AXDND1: variants seen among roughly 807,000 people sequenced by gnomAD.
The protein encoded by AXDND1 is axonemal dynein light chain domain-containing protein 1.
Under a neutral mutation model 137.5 loss-of-function variants are expected in AXDND1, and 110 were observed. The observed-to-expected ratio is 0.80, with a 90% CI of 0.69 to 0.94. The LOEUF is 0.94. Ranked by LOEUF, AXDND1 falls within the 40% of genes least tolerant of loss-of-function variation. AXDND1 has a pLI of 0.00. For missense variants in AXDND1, 1,191 were observed against 1,169.8 expected, an observed-to-expected ratio of 1.02 and a Z score of -0.26; for synonymous variants, 414 against 399.7, an observed-to-expected ratio of 1.04 and a Z score of -0.43.
chr1:179,494,243 C>G (rs923641948), intron 20 of AXDND1, among the ~76,000 whole-genome samples: 3 of 152,120 alleles, frequency 2.0e-5, no homozygotes, highest in Non-Finnish European at 4.4e-5. Flanking sequence ...TGAGCCACTG[C>G]GCCTGGCTGA....
At chr1:179,475,017 T>A (rs1664432129) in intron 17 of AXDND1, among the ~76,000 whole-genome samples, 1 of 152,006 alleles carries the variant, frequency 6.6e-6, no homozygotes, top group Non-Finnish European at 1.5e-5. Context: ...AAGGTACAGC[T>A]TGGGCCATTG....
At chr1:179,460,152 C>T (rs921283554) in intron 16 of AXDND1, among the ~76,000 whole-genome samples, 1 of 151,938 alleles carries the variant, frequency 6.6e-6, no homozygotes, top group African/African-American at 2.4e-5. Flanking sequence ...ATTAACTCAT[C>T]ATTTACATTA....
At chr1:179,373,775 T>G (rs906136699) in intron 4 of AXDND1, among the ~76,000 whole-genome samples, 3 of 152,204 alleles carry the variant, frequency 2.0e-5, no homozygotes, top group African/African-American at 7.2e-5. Context: ...GCTAGCCATA[T>G]GTAGAAAGCT....
chr1:179,505,711 T>A (rs1241257501), intron 20 of AXDND1, among the ~76,000 whole-genome samples: 1 of 152,108 alleles, frequency 6.6e-6, no homozygotes, highest in African/African-American at 2.4e-5. Flanking sequence ...AACCATCTTT[T>A]GGAGTTTGAT....
At chr1:179,439,366 T>A (rs1658655424) in intron 15 of AXDND1, among the ~76,000 whole-genome samples, 1 of 152,174 alleles carries the variant, frequency 6.6e-6, no homozygotes, top group Non-Finnish European at 1.5e-5. Flanking sequence ...GGCTGAGCGA[T>A]GTCTGTGTAG....
intron 4 of AXDND1, 42 bp from the exon 5 acceptor site, chr1:179,378,595 A>G: frequency 6.8e-7 from 1 of 1,469,616 alleles, no homozygotes; most frequent in Admixed American, 1.9e-5. Context: ...TGGTATCCAG[A>G]TAGAAAATTT....
intron 23 of AXDND1, among the ~76,000 whole-genome samples, chr1:179,530,251 G>A (rs1323285693): frequency 1.3e-5 from 2 of 152,054 alleles, no homozygotes; most frequent in Non-Finnish European, 2.9e-5. Context: ...GGCTGGTCTT[G>A]AACTCCTGAC....
At chr1:179,418,669 C>T (rs79385182) in intron 12 of AXDND1, among the ~76,000 whole-genome samples, 93,363 of 145,850 alleles carry the variant, frequency 0.64, 30,398 homozygotes, top group Non-Finnish European at 0.69. Flanking sequence ...GGTGGGGGGC[C>T]GACACCACCA....
chr1:179,554,357 A>T, intron 25 of AXDND1, 155 bp from the exon 26 acceptor site: 1 of 1,198,810 alleles, frequency 8.3e-7, no homozygotes, highest in African/African-American at 1.5e-5. Flanking sequence ...CTTTTTTATA[A>T]ATTTATGCTG....
chr1:179,527,852 C>A lies in AXDND1; in HGVS notation c.2611-475C>A, dbSNP rs368406367. ...ATTACTACTGCAACTACTGCTATTA[C>A]TACTACCACCTGTAGACTTAGTTGA... On this transcript the variant is annotated intron_variant, in intron 22 of 25. Transcript: ENST00000367618. Among the ~76,000 whole-genome samples the A allele has an allele frequency of 1.2e-4, 18 of 152,256 alleles. No homozygotes were observed. In the East Asian group the frequency reaches 3.1e-3, roughly 26 times the overall value.
intron 25 of AXDND1, among the ~76,000 whole-genome samples, chr1:179,539,058 C>T (rs61827691): frequency 2.0e-5 from 3 of 152,196 alleles, no homozygotes; most frequent in Admixed American, 1.3e-4. Flanking sequence ...CTTCCTTCAT[C>T]CCTTTATTTT....
intron 11 of AXDND1, among the ~76,000 whole-genome samples, chr1:179,407,013 G>C (rs1192708423): frequency 6.6e-6 from 1 of 151,626 alleles, no homozygotes; most frequent in Non-Finnish European, 1.5e-5. Context: ...TCTCTTTTTT[G>C]TTTCTGCTCT....
intron 21 of AXDND1, among the ~76,000 whole-genome samples, chr1:179,523,380 A>G (rs1670252200): frequency 6.6e-6 from 1 of 152,174 alleles, no homozygotes; most frequent in South Asian, 2.1e-4. Context: ...TTTTCTAAAA[A>G]TAACAGCTTT....
chr1:179,507,036 C>A (rs1247616659), intron 20 of AXDND1: 2 of 353,386 alleles, frequency 5.7e-6, no homozygotes, highest in East Asian at 1.7e-4. Flanking sequence ...ATAAAAGACT[C>A]TCCTGTGGCC....
chr1:179,419,618 G>C (rs1387839941), intron 12 of AXDND1, among the ~76,000 whole-genome samples: 1 of 135,466 alleles, frequency 7.4e-6, no homozygotes, highest in Non-Finnish European at 1.6e-5. Context: ...GAGAGGGAGA[G>C]GGAGATGGTG....
At position 179,524,324 on chromosome 1, in the gene AXDND1, G is replaced by C. The variant is rs560161395; in HGVS notation, c.2497-1010G>C. Among the ~76,000 whole-genome samples the C allele has an allele frequency of 3.3e-5, 5 of 152,126 alleles. No individual in the cohort carries two copies. In the South Asian group the frequency reaches 1.0e-3, roughly 32 times the overall value. On this transcript the variant is annotated intron_variant, in intron 21 of 25. Transcript: ENST00000367618. ...AACTGGGTTACTGTCTAATTCTCTG[G>C]CTACTTCACAAGTTTGCCTTTAGGA...
chr1:179,447,987 G>T, intron 16 of AXDND1: 1 of 1,415,462 alleles, frequency 7.1e-7, no homozygotes, highest in South Asian at 1.2e-5. Flanking sequence ...AACTCCCTGG[G>T]TTAGTGTAGG....
chr1:179,368,772 G>A, intron 2 of AXDND1, 28 bp from the exon 3 acceptor site: 2 of 1,566,838 alleles, frequency 1.3e-6, no homozygotes, highest in South Asian at 2.3e-5. Context: ...TATATAGTAA[G>A]AGTTTTTCTT....
At chr1:179,539,279 T>C (rs1671876990) in intron 25 of AXDND1, among the ~76,000 whole-genome samples, 1 of 152,218 alleles carries the variant, frequency 6.6e-6, no homozygotes, top group Non-Finnish European at 1.5e-5. Context: ...AGTTTCTTCA[T>C]AGTGTCGATG....
Sources: gnomAD v4.1 joint callset for allele counts (sites outside exome capture counted in the v4.1 genomes callset) on GRCh38, gnomAD v4.1.1 for gene constraint, MANE v1.5 for transcripts, NCBI Gene and HGNC (gene_info 2026-07-23, HGNC 2026-07-21) for gene names.